PTGES3L: variants seen among roughly 807,000 people sequenced by gnomAD.
PTGES3L encodes prostaglandin E synthase 3 like, also known as putative protein PTGES3L.
Under a neutral mutation model 25.0 loss-of-function variants are expected in PTGES3L, and 17 were observed. That is an observed-to-expected ratio of 0.68 (90% CI 0.47 to 1.02). The LOEUF (loss-of-function observed/expected upper bound fraction) is 1.02. PTGES3L is among the 50% of genes least tolerant of loss of function. PTGES3L has a pLI of 0.00. For synonymous variants in PTGES3L, 59 were observed against 65.7 expected (o/e 0.90, Z 0.50); for missense variants, 202 against 197.5 (o/e 1.02, Z -0.14).
chr17:42,970,493 TA>T (rs2049813328), intron 5 of PTGES3L, 151 bp from the exon 6 acceptor site: 2 of 853,290 alleles, frequency 2.3e-6, no homozygotes, highest in Admixed American at 2.8e-5. Flanking sequence ...TTGAGAAAAG[TA>T]AATTGATCCC....
In PTGES3L at chr17:42,979,174, A is replaced by T. The variant is rs763597282; in HGVS notation, c.284T>A (p.Ile95Asn). 8 of 1,614,148 alleles carry T rather than the reference A, an allele frequency of 5.0e-6. No homozygotes were observed. The highest frequency in any genetic ancestry group is 8.5e-7 in the Non-Finnish European group (1 of 1,180,024). Reference sequence around the variant, plus strand: ...GGCCACTTTCCACACACCCACCTTGATATCCTCCTTGGTAAGCCGCGGCCA... The same window carrying T: ...GGCCACTTTCCACACACCCACCTTGTTATCCTCCTTGGTAAGCCGCGGCCA... ...VAWPRLTKED[I>N]KPVWLSVDFD... Residue 95 changes from isoleucine (I) to asparagine (N), a missense_variant, in exon 4 of 7, where the codon ATC becomes AAC. Physicochemically the swap from Ile to Asn is moderately radical, Grantham distance 149. Coordinates refer to ENST00000591916, the MANE Select transcript of PTGES3L (RefSeq NM_001261430.2).
At chr17:42,977,462 G>A (rs1208367970) in intron 4 of PTGES3L, among the ~76,000 whole-genome samples, 5 of 151,228 alleles carry the variant, frequency 3.3e-5, no homozygotes, top group Non-Finnish European at 7.4e-5. Flanking sequence ...AAATTAGCCG[G>A]GCGTGGTGGC....
chr17:42,977,123 T>G (rs547540636), intron 4 of PTGES3L, among the ~76,000 whole-genome samples: 24 of 151,986 alleles, frequency 1.6e-4, no homozygotes, highest in Middle Eastern at 3.4e-3. Flanking sequence ...AAACCCCATC[T>G]CTACTAAAAA....
At chr17:42,978,790 C>T (rs942446460) in intron 4 of PTGES3L, among the ~76,000 whole-genome samples, 6 of 152,124 alleles carry the variant, frequency 3.9e-5, no homozygotes, top group Non-Finnish European at 7.3e-5. Flanking sequence ...CACCTGAAGT[C>T]GGGAGTTCGA....
chr17:42,973,260 C>T (rs2049888657), intron 4 of PTGES3L, among the ~76,000 whole-genome samples: 2 of 149,866 alleles, frequency 1.3e-5, no homozygotes, highest in African/African-American at 2.4e-5. Flanking sequence ...CAGCCCCCCG[C>T]CCGGCCAGCC....
intron 5 of PTGES3L, 74 bp from the exon 6 acceptor site, chr17:42,970,416 G>A: frequency 6.4e-7 from 1 of 1,572,912 alleles, no homozygotes; most frequent in Non-Finnish European, 8.7e-7. Flanking sequence ...ATGGTCCATA[G>A]AAGAATGGTT....
At position 42,969,141 on chromosome 17, in the gene PTGES3L, C is replaced by G. The variant is rs773058972; in HGVS notation, c.*7G>C. The G allele has an allele frequency of 1.9e-6, 3 of 1,541,120 alleles. No homozygotes were observed. Among genetic ancestry groups the G allele is most frequent in the African/African-American group, 1.4e-5 (1 of 71,434 alleles). On this transcript the variant is annotated 3_prime_UTR_variant, in exon 7 of 7. Transcript: ENST00000591916. Reference sequence around the variant, plus strand: ...CAGCTGCCTTCCCAGCTTTGCGTCACAGAAAGTTAATTACTTGTTGCATCA... The same window carrying G: ...CAGCTGCCTTCCCAGCTTTGCGTCAGAGAAAGTTAATTACTTGTTGCATCA...
rs765407314 is a variant in PTGES3L at position 42,979,657 on chromosome 17, G to A, written c.15C>T (p.His5=). Residue 5 remains histidine (H), a synonymous_variant, in exon 2 of 7, where the codon CAC becomes CAT. Coordinates refer to ENST00000591916, the MANE Select transcript of PTGES3L (RefSeq NM_001261430.2). ...GCCTGTCGTACCACAAGGTCCGGGC[G>A]TGCTGCCTGAAGAGAAGTTGAGGTG... is the stretch of plus-strand genomic sequence containing the variant. MARQ[H]ARTLWYDRPR... 8.1e-6 allele frequency: 13 copies of A among 1,613,920 alleles called. No homozygotes were observed. The highest frequency in any genetic ancestry group is 3.3e-5 in the Admixed American group (2 of 59,930).
chr17:42,977,933 C>T (rs2049989088), intron 4 of PTGES3L, among the ~76,000 whole-genome samples: 1 of 151,530 alleles, frequency 6.6e-6, no homozygotes, highest in Admixed American at 6.6e-5. Context: ...ACAAAATTAG[C>T]TGGGTGTGGT....
intron 4 of PTGES3L, among the ~76,000 whole-genome samples, chr17:42,978,305 G>A (rs1176761389): frequency 2.0e-5 from 3 of 151,920 alleles, no homozygotes; most frequent in African/African-American, 7.3e-5. Context: ...TACTCAGGAG[G>A]CTGAGGAAGG....
In PTGES3L at chr17:42,979,329, TGGGCAGCCC is replaced by T. The variant is rs748662325; in HGVS notation, c.189+40_189+48del. Reference sequence around the variant, plus strand: ...GTTTAGAATTAATCTCCAGTTTCCCTGGGCAGCCCGGTTTCCATCCAAACCTTACTGTCC... The same window carrying T: ...GTTTAGAATTAATCTCCAGTTTCCCTGGTTTCCATCCAAACCTTACTGTCC... On this transcript the variant is annotated intron_variant, in intron 3 of 6. Transcript: ENST00000591916. 13 of 1,614,204 alleles carry T rather than the reference TGGGCAGCCC, an allele frequency of 8.1e-6. No homozygotes were observed. In the South Asian group the frequency reaches 1.4e-4, roughly 18 times the overall value.
chr17:42,970,456 C>T, intron 5 of PTGES3L, 114 bp from the exon 6 acceptor site: 2 of 1,097,680 alleles, frequency 1.8e-6, no homozygotes, highest in East Asian at 2.5e-5. Flanking sequence ...CAACTGCTCC[C>T]ATCTTTAAAA....
At chr17:42,979,133 A>G (rs1359104260) in intron 4 of PTGES3L, 37 bp downstream of exon 4, 1 of 1,610,766 alleles carries the variant, frequency 6.2e-7, no homozygotes, top group Non-Finnish European at 8.5e-7. Flanking sequence ...ACCTGGGTAC[A>G]TGGAGAGAAG....
chr17:42,970,676 G>GCGCGCACACA (rs1490786473), intron 5 of PTGES3L, among the ~76,000 whole-genome samples: 103 of 144,190 alleles, frequency 7.1e-4, no homozygotes, highest in Admixed American at 1.2e-3. Context: ...CTTAACACGC[G>GCGCGCACACA]CACACACACA....
Position 42,971,617 on chromosome 17 carries a change from T to C in PTGES3L, c.368A>G (p.His123Arg). ...DEEMELAHVE[H>R]YAELLKKVST... Reference sequence around the variant, plus strand: ...GGTGTTGTCTCTCACCTCTGCATAATGTTCCACATGAGCCAGCTCCATCTC... The same window carrying C: ...GGTGTTGTCTCTCACCTCTGCATAACGTTCCACATGAGCCAGCTCCATCTC... Residue 123 changes from histidine (H) to arginine (R), a missense_variant, in exon 5 of 7, where the codon CAT becomes CGT. Physicochemically the swap from His to Arg is conservative, Grantham distance 29. Transcript: ENST00000591916. 1 of 1,614,048 alleles carries C rather than the reference T, an allele frequency of 6.2e-7. No homozygotes were observed. Among genetic ancestry groups the C allele is most frequent in the South Asian group, 1.1e-5 (1 of 91,080 alleles).
chr17:42,978,547 G>C (rs1000800008), intron 4 of PTGES3L, among the ~76,000 whole-genome samples: 1 of 152,180 alleles, frequency 6.6e-6, no homozygotes, highest in Non-Finnish European at 1.5e-5. Context: ...AGTTAACTGG[G>C]AGAGATTACC....
chr17:42,970,176 G>A (rs1400879169), intron 6 of PTGES3L, 113 bp downstream of exon 6: 2 of 1,297,760 alleles, frequency 1.5e-6, no homozygotes, highest in East Asian at 2.4e-5. Flanking sequence ...CTCAAATTTG[G>A]TTAACAGGCA....
rs1365775600 is a variant in PTGES3L at position 42,969,250 on chromosome 17, TAACA to T, written c.433-68_433-65del. On this transcript the variant is annotated intron_variant, in intron 6 of 6. Coordinates refer to ENST00000591916, the MANE Select transcript of PTGES3L (RefSeq NM_001261430.2). The stretch of plus-strand genomic sequence containing the variant: ...CCCTGCAAAGCAGGAACATTTGTGT[TAACA>T]AATACTGCTTCCTCTCTCCTGTTCT... 4 of 981,348 alleles carry T rather than the reference TAACA, an allele frequency of 4.1e-6. No individual in the cohort carries two copies. The African/African-American group carries it at 4.9e-5, about 12-fold the overall frequency. 60.8% of individuals were successfully genotyped at this position (981,348 alleles called of 1,614,324 possible). A position where few individuals can be genotyped will look rare whatever the true frequency, so the allele number is the denominator to read the frequency against.
Position 42,971,565 on chromosome 17 carries a change from G to T in PTGES3L, c.378+42C>A, listed in dbSNP as rs369519561. On this transcript the variant is annotated intron_variant, in intron 5 of 6. Coordinates refer to ENST00000591916, the MANE Select transcript of PTGES3L (RefSeq NM_001261430.2). ...AGACATGTGTGCAGAGAAACACAAA[G>T]AATGATCAAGTGGGCAGAACACAGT... 2.3e-4 allele frequency: 367 copies of T among 1,608,444 alleles called. 2 individuals are homozygous for T. In the African/African-American group the frequency reaches 4.1e-3, roughly 18 times the overall value.
Sources: gnomAD v4.1 joint callset for allele counts (sites outside exome capture counted in the v4.1 genomes callset) on GRCh38, gnomAD v4.1.1 for gene constraint, MANE v1.5 for transcripts, NCBI Gene and HGNC (gene_info 2026-07-23, HGNC 2026-07-21) for gene names.